DAAM2: variants seen among roughly 807,000 people sequenced by gnomAD.
DAAM2 encodes disheveled-associated activator of morphogenesis 2.
A neutral mutation model predicts 120.7 loss-of-function variants in DAAM2; 39 were observed. The observed-to-expected ratio is 0.32, with a 90% CI of 0.25 to 0.42. DAAM2 has a LOEUF of 0.42. Ranked by LOEUF, DAAM2 falls within the 10% of genes least tolerant of loss-of-function variation. The probability of loss-of-function intolerance (pLI) is 1.00; values close to 1 mark genes in which losing one functional copy is unlikely to be tolerated. For synonymous variants in DAAM2, 488 were observed against 524.9 expected, an observed-to-expected ratio of 0.93 and a Z score of 0.96; for missense variants, 1,283 against 1,401.7, an observed-to-expected ratio of 0.92 and a Z score of 1.35.
chr6:39,879,250 C>T lies in DAAM2; in HGVS notation c.1618C>T (p.Leu540=). 1 of 1,544,064 alleles carries T rather than the reference C, an allele frequency of 6.5e-7. No individual in the cohort carries two copies. The part of the protein sequence containing the change: ...TLSSSMTTND[L]PPPPPPLPFA... Reference sequence around the variant, plus strand: ...GTCTTCCTCAATGACAACCAATGACCTGCCTCCACCCCCTCCTCCTCTGCC... The same window carrying T: ...GTCTTCCTCAATGACAACCAATGACTTGCCTCCACCCCCTCCTCCTCTGCC... Residue 540 remains leucine, a synonymous_variant, in exon 14 of 25, where the codon CTG becomes TTG. Coordinates refer to ENST00000274867, the MANE Select transcript of DAAM2 (RefSeq NM_001201427.2).
intron 1 of DAAM2, among the ~76,000 whole-genome samples, chr6:39,828,017 G>A (rs9471175): frequency 0.15 from 22,686 of 152,118 alleles, 2,131 homozygotes; most frequent in South Asian, 0.3. Flanking sequence ...ACCAATTTCA[G>A]GTAGTAGGGT....
Position 39,898,929 on chromosome 6 carries a change from G to A in DAAM2, c.2671G>A (p.Val891Met). 6.2e-7 allele frequency: 1 copy of A among 1,611,322 alleles called. No individual in the cohort carries two copies. The highest frequency in any genetic ancestry group is 1.1e-5 in the South Asian group (1 of 90,126). Residue 891 changes from valine (V) to methionine (M), a missense_variant, in exon 22 of 25, where the codon GTG (valine) becomes ATG (methionine). Val to Met is a conservative substitution (Grantham distance 21, BLOSUM62 1). Transcript: ENST00000274867. ...CAACCTCAGGAGGGGCCTGAGAGCG[G>A]TGGAGGTGGTGAGTACCTTGTCAGT... ...VGNLRRGLRA[V>M]EVELEYQRRQ...
intron 15 of DAAM2, chr6:39,884,725 C>A: frequency 6.5e-6 from 1 of 153,136 alleles, no homozygotes; most frequent in South Asian, 2.0e-4. Flanking sequence ...GTCTTCCAGT[C>A]ACAGAGAAAG....
chr6:39,881,248 T>G (rs1405408453), intron 14 of DAAM2, among the ~76,000 whole-genome samples: 2 of 152,174 alleles, frequency 1.3e-5, no homozygotes. Context: ...GAGTGTGGGT[T>G]TGTTGGAATA....
chr6:39,878,398 T>C lies in DAAM2; in HGVS notation c.1361-6T>C. 6.2e-7 allele frequency: 1 copy of C among 1,611,528 alleles called. No homozygotes were observed. The highest frequency in any genetic ancestry group is 1.1e-5 in the South Asian group (1 of 90,572). ...TGTTTCCTCTCCCGTCCCACCCCCATTCCAGAACACATGGAGCTTGTGAGC... is the reference window on the plus strand; with the variant it reads ...TGTTTCCTCTCCCGTCCCACCCCCACTCCAGAACACATGGAGCTTGTGAGC... On this transcript the variant is annotated splice_polypyrimidine_tract_variant and splice_region_variant and intron_variant, in intron 12 of 24. Transcript: ENST00000274867. This position sits in a 1 kb window ranked among gnomAD's most constrained non-coding sequence, Gnocchi z 5.0.
Position 39,879,426 on chromosome 6 carries a change from C to T in DAAM2, c.1794C>T (p.Val598=), listed in dbSNP as rs1765022695. 3 of 1,613,922 alleles carry T rather than the reference C, an allele frequency of 1.9e-6. No homozygotes were observed. Among genetic ancestry groups the T allele is most frequent in the East Asian group, 2.2e-5 (1 of 44,848 alleles). The change falls in exon 14 of 25, where the codon GTC becomes GTT. Residue 598 remains valine (V), a synonymous_variant. Coordinates refer to ENST00000274867, the MANE Select transcript of DAAM2 (RefSeq NM_001201427.2). ...ACGTCCCACTCAGGAAAAAGCGTGTCCCCCAGCCTTCTCACCCACTGAAGT... is the reference window on the plus strand; with the variant it reads ...ACGTCCCACTCAGGAAAAAGCGTGTTCCCCAGCCTTCTCACCCACTGAAGT... The part of the protein sequence containing the change: ...SSDVPLRKKR[V]PQPSHPLKSF...
At chr6:39,804,289 G>A (rs999702037) in intron 1 of DAAM2, among the ~76,000 whole-genome samples, 3 of 152,212 alleles carry the variant, frequency 2.0e-5, no homozygotes, top group Admixed American at 2.0e-4. Flanking sequence ...CTCCTAGAAG[G>A]TTAGGACTGT....
intron 14 of DAAM2, among the ~76,000 whole-genome samples, chr6:39,880,604 G>C (rs1450920998): frequency 6.6e-6 from 1 of 152,182 alleles, no homozygotes; most frequent in Admixed American, 6.5e-5. Flanking sequence ...AACCAAACCA[G>C]GTGTAGCTTT....
intron 2 of DAAM2, among the ~76,000 whole-genome samples, 167 bp from the exon 3 acceptor site, chr6:39,860,761 C>G (rs1341128383): frequency 6.6e-6 from 1 of 152,132 alleles, no homozygotes; most frequent in Non-Finnish European, 1.5e-5. Flanking sequence ...GGGGCTGTAT[C>G]TCTGATAGAA....
At chr6:39,871,694 C>G in intron 9 of DAAM2, 122 bp downstream of exon 9, 1 of 761,726 alleles carries the variant, frequency 1.3e-6, no homozygotes, top group Non-Finnish European at 2.1e-6. Flanking sequence ...CTGGTGGGCA[C>G]CCCCATGGCC....
At chr6:39,813,054 A>G (rs1762208443) in intron 1 of DAAM2, among the ~76,000 whole-genome samples, 1 of 152,026 alleles carries the variant, frequency 6.6e-6, no homozygotes, top group African/African-American at 2.4e-5. Flanking sequence ...ACCCCTCACA[A>G]ACCACAACCG....
chr6:39,836,811 C>T (rs916448347), intron 1 of DAAM2, among the ~76,000 whole-genome samples: 2 of 152,202 alleles, frequency 1.3e-5, no homozygotes, highest in Non-Finnish European at 1.5e-5. Flanking sequence ...CCTTACTATT[C>T]TATTTACTAG....
At chr6:39,811,198 TGTGTGTGTGTGTGTG>T (rs1762151095) in intron 1 of DAAM2, among the ~76,000 whole-genome samples, 1 of 118,196 alleles carries the variant, frequency 8.5e-6, no homozygotes, top group Admixed American at 8.6e-5. Context: ...TGTGTGTGTG[TGTGTGTGTGTGTGTG>T]ATTTTCCATC....
At chr6:39,867,920 T>C in intron 6 of DAAM2, 77 bp downstream of exon 6, 1 of 1,288,004 alleles carries the variant, frequency 7.8e-7, no homozygotes, top group South Asian at 1.4e-5. Flanking sequence ...GCCTGAAGAT[T>C]CTTTGCAGCA....
intron 1 of DAAM2, among the ~76,000 whole-genome samples, chr6:39,831,921 G>A (rs2114202511): frequency 9.8e-6 from 1 of 102,196 alleles, no homozygotes; most frequent in Middle Eastern, 4.7e-3. Flanking sequence ...CACTGAAGGG[G>A]CAGATGCAGT....
intron 9 of DAAM2, among the ~76,000 whole-genome samples, chr6:39,872,230 C>T (rs1005132161): frequency 6.6e-6 from 1 of 152,156 alleles, no homozygotes; most frequent in Admixed American, 6.5e-5. Context: ...GGGAAACACC[C>T]TCACAGACAT....
At chr6:39,833,194 C>T (rs972812359) in intron 1 of DAAM2, among the ~76,000 whole-genome samples, 15 of 152,188 alleles carry the variant, frequency 9.9e-5, no homozygotes, top group African/African-American at 3.4e-4. Flanking sequence ...AAGTGGAATC[C>T]AGGGCATTTA....
intron 3 of DAAM2, chr6:39,861,979 A>G (rs1442637155): frequency 6.6e-6 from 1 of 152,072 alleles, no homozygotes; most frequent in Non-Finnish European, 1.5e-5. Flanking sequence ...ACTTTATCCC[A>G]TTCCGAGGTC....
At chr6:39,846,732 T>C (rs906917703) in intron 1 of DAAM2, among the ~76,000 whole-genome samples, 2 of 151,740 alleles carry the variant, frequency 1.3e-5, no homozygotes, top group Non-Finnish European at 2.9e-5. Context: ...GGTCTCGCTC[T>C]GTTGCCCCAC....
Sources: allele counts gnomAD v4.1 joint callset (sites outside exome capture counted in the v4.1 genomes callset), GRCh38; gene constraint gnomAD v4.1.1; non-coding constraint Gnocchi (gnomAD v3.1); transcripts MANE v1.5; gene names NCBI Gene and HGNC (gene_info 2026-07-23, HGNC 2026-07-21).